C20orf144: variants seen among roughly 807,000 people sequenced by gnomAD.
The protein encoded by C20orf144 is uncharacterized protein C20orf144.
Under a neutral mutation model 3.8 loss-of-function variants are expected in C20orf144, and 8 were observed. The observed-to-expected ratio is 2.11, with a 90% CI of 1.24 to 3.80. The LOEUF is 3.80. Ranked by LOEUF, C20orf144 falls within the 30% of genes most tolerant of loss-of-function variation. The pLI, the probability that C20orf144 is intolerant of heterozygous loss-of-function variation, is 0.00. For synonymous variants in C20orf144, 126 were observed against 104.1 expected (o/e 1.21, Z -1.28); for missense variants, 289 against 224.5 (o/e 1.29, Z -1.83).
chr20:33,662,688 C>G, intron 1 of C20orf144: 1 of 551,244 alleles, frequency 1.8e-6, no homozygotes, highest in Non-Finnish European at 3.2e-6. Context: ...GCCTGTAATC[C>G]CAACACGTTG....
intron 1 of C20orf144, 89 bp downstream of exon 1, chr20:33,662,560 C>A: frequency 1.4e-6 from 2 of 1,431,792 alleles, no homozygotes; most frequent in South Asian, 1.3e-5. Flanking sequence ...TGCTGGGAGT[C>A]TAGGCCTTGT....
intron 1 of C20orf144, chr20:33,662,721 C>G (rs1305457058): frequency 4.3e-6 from 2 of 461,206 alleles, no homozygotes; most frequent in Non-Finnish European, 7.8e-6. Context: ...GGGTGGATAA[C>G]TTCAGCCCAG....
chr20:33,662,438 G>A lies in C20orf144; in HGVS notation c.93G>A (p.Ser31=), dbSNP rs766909314. ...ACATGGACAAGGCCTGGTGGAAATC[G>A]TTCCTCAACCACCTCACTCGGAAGA... ...PADMDKAWWK[S]FLNHLTRKKP... The change falls in exon 1 of 2, where the codon TCG becomes TCA. Residue 31 remains serine, a synonymous_variant. Coordinates refer to ENST00000375222, the MANE Select transcript of C20orf144 (RefSeq NM_080825.4). 6.4e-7 allele frequency: 1 copy of A among 1,551,834 alleles called. No individual in the cohort carries two copies. The highest frequency in any genetic ancestry group is 8.7e-7 in the Non-Finnish European group (1 of 1,147,364).
rs1307567763 is a variant in C20orf144, at chr20:33,663,737, G to A, written c.332G>A (p.Gly111Glu). Reference protein sequence around the residue: ...RQEARRPEEGGARAALSWPRL... With the variant: ...RQEARRPEEGEARAALSWPRL... ...GAGGCGCGGCGGCCGGAAGAGGGCG[G>A]GGCCAGGGCAGCTCTGAGCTGGCCG... Residue 111 changes from glycine to glutamate, a missense_variant, in exon 2 of 2, where the codon GGG becomes GAG. Transcript: ENST00000375222. 6.5e-7 allele frequency: 1 copy of A among 1,527,132 alleles called. No homozygotes were observed. Among genetic ancestry groups the A allele is most frequent in the Non-Finnish European group, 8.7e-7 (1 of 1,143,608 alleles). The allele number at this position is 1,527,132 out of a possible 1,614,324, so 94.6% of individuals were successfully genotyped here.
At position 33,663,880 on chromosome 20, in the gene C20orf144, G is replaced by A; in HGVS notation, c.*13G>A. 7.2e-7 allele frequency: 1 copy of A among 1,384,010 alleles called. No homozygotes were observed. The highest frequency in any genetic ancestry group is 9.3e-7 in the Non-Finnish European group (1 of 1,077,454). 85.7% of individuals were successfully genotyped at this position (1,384,010 alleles called of 1,614,324 possible). ...CCCGCAGCTTTAAACGCTTGGCCCG[G>A]ACCCCGCCCAATAAAGAGTGCGTGG... On this transcript the variant is annotated 3_prime_UTR_variant, in exon 2 of 2. Coordinates refer to ENST00000375222, the MANE Select transcript of C20orf144 (RefSeq NM_080825.4).
Position 33,662,423 on chromosome 20 carries a change from G to C in C20orf144, c.78G>C (p.Lys26Asn), listed in dbSNP as rs1030235047. 1.3e-6 allele frequency: 2 copies of C among 1,551,636 alleles called. No homozygotes were observed. Among genetic ancestry groups the C allele is most frequent in the African/African-American group, 2.7e-5 (2 of 73,076 alleles). ...AGGAGAGGCCGGCTGACATGGACAA[G>C]GCCTGGTGGAAATCGTTCCTCAACC... ...ARKERPADMD[K>N]AWWKSFLNHL... The change falls in exon 1 of 2, where the codon AAG becomes AAC. Residue 26 changes from lysine to asparagine, a missense_variant. Transcript: ENST00000375222.
intron 1 of C20orf144, chr20:33,662,851 G>T (rs2017524669): frequency 9.4e-6 from 2 of 213,084 alleles, no homozygotes; most frequent in South Asian, 1.2e-4. Flanking sequence ...GGTGGACTAC[G>T]TGAGCCCAGG....
At chr20:33,662,694 C>T (rs1283381248) in intron 1 of C20orf144, 5 of 524,158 alleles carry the variant, frequency 9.5e-6, no homozygotes, top group Non-Finnish European at 1.7e-5. Context: ...AATCCCAACA[C>T]GTTGGTAGGC....
chr20:33,663,170 C>T (rs1039481657), intron 1 of C20orf144, among the ~76,000 whole-genome samples: 1 of 152,218 alleles, frequency 6.6e-6, no homozygotes, highest in Non-Finnish European at 1.5e-5. Flanking sequence ...TCCCTGTCTC[C>T]CTCTCAAATG....
At position 33,663,377 on chromosome 20, in the gene C20orf144, GGTCCCCTCCA is replaced by G. The variant is rs2017542507; in HGVS notation, c.127-153_127-144del. On this transcript the variant is annotated intron_variant, in intron 1 of 1. Coordinates refer to ENST00000375222, the MANE Select transcript of C20orf144 (RefSeq NM_080825.4). ...TTCCCCGCGGCCTGAATTGGACAGG[GGTCCCCTCCA>G]GCCCTGTGCACGAGAGGATGACAGG... 10 of 775,654 alleles carry G rather than the reference GGTCCCCTCCA, an allele frequency of 1.3e-5. No homozygotes were observed. In the South Asian group the frequency reaches 1.9e-4, roughly 15 times the overall value. The allele number at this position is 775,654 out of a possible 1,614,324, so 48.0% of individuals were successfully genotyped here.
At position 33,662,437 on chromosome 20, in the gene C20orf144, C is replaced by G. The variant is rs761579956; in HGVS notation, c.92C>G (p.Ser31Trp). 4 of 1,551,658 alleles carry G rather than the reference C, an allele frequency of 2.6e-6. No individual in the cohort carries two copies. The highest frequency in any genetic ancestry group is 3.5e-6 in the Non-Finnish European group (4 of 1,147,344). The change falls in exon 1 of 2, where the codon TCG becomes TGG. Residue 31 changes from serine (S) to tryptophan (W), a missense_variant. Physicochemically the swap from Ser to Trp is radical, Grantham distance 177 (BLOSUM62 -3). Coordinates refer to ENST00000375222, the MANE Select transcript of C20orf144 (RefSeq NM_080825.4). ...GACATGGACAAGGCCTGGTGGAAAT[C>G]GTTCCTCAACCACCTCACTCGGAAG... ...PADMDKAWWK[S>W]FLNHLTRKKP...
Position 33,663,369 on chromosome 20 carries a change from T to C in C20orf144, c.127-163T>C, listed in dbSNP as rs112182464. On this transcript the variant is annotated intron_variant, in intron 1 of 1. Coordinates refer to ENST00000375222, the MANE Select transcript of C20orf144 (RefSeq NM_080825.4). ...GGGCGGGCTTCCCCGCGGCCTGAAT[T>C]GGACAGGGGTCCCCTCCAGCCCTGT... The C allele has an allele frequency of 6.5e-4, 462 of 706,082 alleles. 3 individuals are homozygous for C. In the African/African-American group the frequency reaches 7.8e-3, roughly 12 times the overall value. The allele number at this position is 706,082 out of a possible 1,614,324, so 43.7% of individuals were successfully genotyped here.
At chr20:33,663,471 C>T (rs1312589732) in intron 1 of C20orf144, 61 bp from the exon 2 acceptor site, 9 of 1,537,168 alleles carry the variant, frequency 5.9e-6, no homozygotes, top group Admixed American at 3.7e-5. Context: ...GCGGAGCGGC[C>T]CCGGGTCGTG....
chr20:33,662,642 A>AC lies in C20orf144; in HGVS notation c.126+171_126+172insC, dbSNP rs1280660776. The AC allele has an allele frequency of 1.1e-5, 8 of 728,802 alleles. No homozygotes were observed. The East Asian group carries it at 2.0e-4, about 18-fold the overall frequency. The allele number at this position is 728,802 out of a possible 1,614,324, so 45.1% of individuals were successfully genotyped here. A position where few individuals can be genotyped will look rare whatever the true frequency, so the allele number is the denominator to read the frequency against. ...AAGGATGAGGATCCCAGGAGCCCAT[A>AC]TGGGTGTGGATGGGGGTCCTTTCAA... On this transcript the variant is annotated intron_variant, in intron 1 of 1. Transcript: ENST00000375222.
At chr20:33,663,398 C>T in intron 1 of C20orf144, 134 bp from the exon 2 acceptor site, 4 of 972,846 alleles carry the variant, frequency 4.1e-6, no homozygotes, top group South Asian at 1.7e-5. Context: ...GCCCTGTGCA[C>T]GAGAGGATGA....
chr20:33,663,750 T>G lies in C20orf144; in HGVS notation c.345T>G (p.Ala115=). ...CGGAAGAGGGCGGGGCCAGGGCAGCTCTGAGCTGGCCGCGGCTGCTCTCGC... is the reference window on the plus strand; with the variant it reads ...CGGAAGAGGGCGGGGCCAGGGCAGCGCTGAGCTGGCCGCGGCTGCTCTCGC... ...RRPEEGGARA[A]LSWPRLLSRF... Residue 115 remains alanine, a synonymous_variant, in exon 2 of 2, where the codon GCT becomes GCG. Coordinates refer to ENST00000375222, the MANE Select transcript of C20orf144 (RefSeq NM_080825.4). 6.7e-7 allele frequency: 1 copy of G among 1,493,512 alleles called. No individual in the cohort carries two copies. Among genetic ancestry groups the G allele is most frequent in the African/African-American group, 1.5e-5 (1 of 68,846 alleles). The allele number at this position is 1,493,512 out of a possible 1,614,324, so 92.5% of individuals were successfully genotyped here.
Position 33,663,769 on chromosome 20 carries a change from C to T in C20orf144, c.364C>T (p.Leu122Phe), listed in dbSNP as rs981221433. 1 of 1,418,464 alleles carries T rather than the reference C, an allele frequency of 7.0e-7. No homozygotes were observed. Among genetic ancestry groups the T allele is most frequent in the Non-Finnish European group, 9.2e-7 (1 of 1,092,894 alleles). 87.9% of individuals were successfully genotyped at this position (1,418,464 alleles called of 1,614,324 possible). Residue 122 changes from leucine to phenylalanine, a missense_variant, in exon 2 of 2, where the codon CTC becomes TTC. Physicochemically the swap from Leu to Phe is conservative, Grantham distance 22. Coordinates refer to ENST00000375222, the MANE Select transcript of C20orf144 (RefSeq NM_080825.4). ...GGCAGCTCTGAGCTGGCCGCGGCTG[C>T]TCTCGCGCTTCCGGTCCCCGGGGAA... The part of the protein sequence containing the change: ...ARAALSWPRL[L>F]SRFRSPGKAP...
rs776158482 is a variant in C20orf144 at position 33,663,585 on chromosome 20, T to C, written c.180T>C (p.Ala60=). ...PLDKRQPLAN[A]GQRIDYASGA... ...ACAAGCGGCAGCCGCTGGCCAACGC[T>C]GGGCAACGGATTGACTACGCGTCCG... The change falls in exon 2 of 2, where the codon GCT becomes GCC. Residue 60 remains alanine, a synonymous_variant. Coordinates refer to ENST00000375222, the MANE Select transcript of C20orf144 (RefSeq NM_080825.4). 1.1e-5 allele frequency: 17 copies of C among 1,611,394 alleles called. No homozygotes were observed. In the East Asian group the frequency reaches 1.3e-4, roughly 13 times the overall value.
chr20:33,663,276 A>G (rs557153380), intron 1 of C20orf144: 2 of 546,690 alleles, frequency 3.7e-6, no homozygotes, highest in African/African-American at 2.0e-5. Context: ...AGCTGGTCTC[A>G]GGAAGTCAGC....
Sources: gnomAD v4.1 joint callset for allele counts (sites outside exome capture counted in the v4.1 genomes callset) on GRCh38, gnomAD v4.1.1 for gene constraint, MANE v1.5 for transcripts, NCBI Gene and HGNC (gene_info 2026-07-23, HGNC 2026-07-21) for gene names.